Variants in KMT2C observed in about 807,000 individuals in gnomAD.
The protein encoded by KMT2C is lysine methyltransferase 2C, also known as histone-lysine N-methyltransferase 2C.
Under a neutral mutation model 507.9 loss-of-function variants are expected in KMT2C, and 88 were observed. The observed-to-expected ratio is 0.17, with a 90% CI of 0.15 to 0.21. KMT2C has a LOEUF of 0.21. Ranked by LOEUF, KMT2C falls within the 10% of genes least tolerant of loss-of-function variation. The pLI is 1.00. For missense variants in KMT2C, 4,954 were observed against 5,957.8 expected (o/e 0.83, Z 5.55); for synonymous variants, 2,049 against 2,080.8 (o/e 0.98, Z 0.42).
At chr7:152,336,315 T>C (rs2096935464) in intron 2 of KMT2C, among the ~76,000 whole-genome samples, 1 of 152,204 alleles carries the variant, frequency 6.6e-6, no homozygotes, top group African/African-American at 2.4e-5. Flanking sequence ...TTAGTATCTG[T>C]CAAAGTCAAG....
chr7:152,297,077 G>C (rs547924171), intron 6 of KMT2C, among the ~76,000 whole-genome samples: 1 of 130,516 alleles, frequency 7.7e-6, no homozygotes, highest in African/African-American at 3.8e-5. Flanking sequence ...GAGAGAGAGA[G>C]AGAGAGAGAG....
Position 152,181,777 on chromosome 7 carries a change from C to A in KMT2C, c.6083G>T (p.Arg2028Leu), listed in dbSNP as rs778364715. ...AAGAGGTGCAGGTGTCAACAAGGGT[C>A]GTGCATATGAGTCAGGTATCCTTTG... Reference protein sequence around the residue: ...QRQRIPDSYARPLLTPAPLDS... With the variant: ...QRQRIPDSYALPLLTPAPLDS... Residue 2028 changes from arginine (R) to leucine (L), a missense_variant, in exon 36 of 59, where the codon CGA (arginine) becomes CTA (leucine). Coordinates refer to ENST00000262189, the MANE Select transcript of KMT2C (RefSeq NM_170606.3). The A allele has an allele frequency of 6.2e-7, 1 of 1,613,978 alleles. No homozygotes were observed. Among genetic ancestry groups the A allele is most frequent in the African/African-American group, 1.3e-5 (1 of 74,966 alleles).
At chr7:152,227,893 A>C (rs1473255470) in intron 18 of KMT2C, among the ~76,000 whole-genome samples, 1 of 152,166 alleles carries the variant, frequency 6.6e-6, no homozygotes, top group Non-Finnish European at 1.5e-5. Flanking sequence ...GTACAAAGAC[A>C]CTGGTGAACA....
At chr7:152,282,296 C>CAAA (rs1299162491) in intron 6 of KMT2C, among the ~76,000 whole-genome samples, 77 of 102,678 alleles carry the variant, frequency 7.5e-4, no homozygotes, top group African/African-American at 2.7e-3. Flanking sequence ...GACCTTGTCT[C>CAAA]AAAAAAAAAA....
chr7:152,401,405 T>C (rs535445705), intron 1 of KMT2C, among the ~76,000 whole-genome samples: 56 of 148,140 alleles, frequency 3.8e-4, no homozygotes, highest in African/African-American at 1.3e-3. Flanking sequence ...ATTAAAGTCA[T>C]ACCGGCCAGG....
chr7:152,239,849 G>A (rs531649406), intron 14 of KMT2C, among the ~76,000 whole-genome samples: 198 of 152,172 alleles, frequency 1.3e-3, no homozygotes, highest in South Asian at 2.3e-3. Context: ...CAGGTTTCTA[G>A]AATATCATCA....
chr7:152,429,570 G>T (rs1262934107), intron 1 of KMT2C, among the ~76,000 whole-genome samples: 2 of 151,392 alleles, frequency 1.3e-5, no homozygotes, highest in African/African-American at 2.4e-5. Context: ...GCCCAGGCTG[G>T]TGTGCAATAG....
intron 6 of KMT2C, among the ~76,000 whole-genome samples, chr7:152,308,386 A>G (rs1257616349): frequency 6.6e-6 from 1 of 152,054 alleles, no homozygotes; most frequent in Non-Finnish European, 1.5e-5. Flanking sequence ...CTTGTTAAAA[A>G]CCAAAGGGGC....
intron 14 of KMT2C, among the ~76,000 whole-genome samples, chr7:152,239,803 G>A (rs993660942): frequency 6.6e-6 from 1 of 152,114 alleles, no homozygotes; most frequent in Non-Finnish European, 1.5e-5. Context: ...TACCAATTAA[G>A]TAACCAAAAC....
intron 3 of KMT2C, among the ~76,000 whole-genome samples, chr7:152,327,727 G>T (rs1207987306): frequency 6.6e-6 from 1 of 152,122 alleles, no homozygotes; most frequent in Non-Finnish European, 1.5e-5. Context: ...GGGAGGCCAA[G>T]GCGGGTGGAT....
rs142260300 is a variant in KMT2C, at chr7:152,176,875, A to G, written c.8578T>C (p.Ser2860Pro). Residue 2860 changes from serine (S) to proline (P), a missense_variant, in exon 38 of 59, where the codon TCA (serine) becomes CCA (proline). By Grantham distance (74) the Ser-to-Pro change is moderately conservative (BLOSUM62 -1). Around this residue, in one of 29 missense-constraint regions of KMT2C, gnomAD observed 1,689 missense variants for 1,654.3 expected, o/e 1.02. Transcript: ENST00000262189. ...DTPCSQASAH[S>P]DLNDGEKTSL... ...GTCTTTTCTCCATCATTTAGGTCTG[A>G]GTGAGCAGAAGCCTGTGAGCAAGGA... 1 of 1,614,206 alleles carries G rather than the reference A, an allele frequency of 6.2e-7. No homozygotes were observed. Among genetic ancestry groups the G allele is most frequent in the Non-Finnish European group, 8.5e-7 (1 of 1,180,024 alleles).
chr7:152,171,990 C>G (rs1277749045), intron 39 of KMT2C, among the ~76,000 whole-genome samples: 2 of 152,190 alleles, frequency 1.3e-5, no homozygotes, highest in Non-Finnish European at 2.9e-5. Context: ...AGAAGCATTA[C>G]TGCTTACATG....
Position 152,148,667 on chromosome 7 carries a change from G to A in KMT2C, c.13260C>T (p.Leu4420=). Residue 4420 remains leucine, a synonymous_variant, in exon 52 of 59, where the codon CTC becomes CTT. Coordinates refer to ENST00000262189, the MANE Select transcript of KMT2C (RefSeq NM_170606.3). This position sits in a 1 kb window ranked among gnomAD's most constrained non-coding sequence, Gnocchi z 7.1. The part of the protein sequence containing the change: ...DGLTDGPARL[L]NLDLDLWVHL... ...GGACCCACAGATCCAAGTCAAGGTT[G>A]AGTAGCCTTGCTGGTCCATCTGTCA... 6.2e-7 allele frequency: 1 copy of A among 1,614,190 alleles called. No individual in the cohort carries two copies. The highest frequency in any genetic ancestry group is 8.5e-7 in the Non-Finnish European group (1 of 1,180,044).
At chr7:152,407,211 T>C (rs1482443280) in intron 1 of KMT2C, among the ~76,000 whole-genome samples, 12 of 150,336 alleles carry the variant, frequency 8.0e-5, no homozygotes, top group Non-Finnish European at 7.5e-5. Flanking sequence ...ATGAATGCAT[T>C]GTACAATATA....
At chr7:152,322,934 T>C (rs930812420) in intron 3 of KMT2C, among the ~76,000 whole-genome samples, 1 of 152,010 alleles carries the variant, frequency 6.6e-6, no homozygotes, top group Non-Finnish European at 1.5e-5. Flanking sequence ...TCACTACTCA[T>C]TAGGGAAATG....
At chr7:152,205,678 T>C (rs1451234368) in intron 24 of KMT2C, among the ~76,000 whole-genome samples, 1 of 151,524 alleles carries the variant, frequency 6.6e-6, no homozygotes. Context: ...ACCGTAGTTA[T>C]AACACCGTAG....
At chr7:152,329,217 AAGATAAAATGAG>A (rs1282308142) in intron 3 of KMT2C, among the ~76,000 whole-genome samples, 1 of 152,126 alleles carries the variant, frequency 6.6e-6, no homozygotes, top group East Asian at 1.9e-4. Context: ...CAACTAGCAA[AAGATAAAATGAG>A]GAGTGAGATG....
intron 31 of KMT2C, among the ~76,000 whole-genome samples, chr7:152,191,114 C>A (rs1326172908): frequency 6.6e-6 from 1 of 152,206 alleles, no homozygotes; most frequent in East Asian, 1.9e-4. Flanking sequence ...CTATACTCTA[C>A]TGGCAGTATA....
intron 6 of KMT2C, among the ~76,000 whole-genome samples, chr7:152,293,305 A>C (rs1427682433): frequency 6.6e-6 from 1 of 152,240 alleles, no homozygotes; most frequent in Non-Finnish European, 1.5e-5. Context: ...TGATACACAA[A>C]TCAATTTCAA....
Sources: allele counts gnomAD v4.1 joint callset (sites outside exome capture counted in the v4.1 genomes callset), GRCh38; gene constraint gnomAD v4.1.1; regional missense constraint gnomAD v4.1.1; non-coding constraint Gnocchi (gnomAD v3.1); transcripts MANE v1.5; gene names NCBI Gene and HGNC (gene_info 2026-07-23, HGNC 2026-07-21).